The following OPCML variants were observed in gnomAD, a reference collection of about 807,000 sequenced individuals.
OPCML encodes opioid binding protein/cell adhesion molecule like.
Under a neutral mutation model 37.8 loss-of-function variants are expected in OPCML, and 13 were observed. That is an observed-to-expected ratio of 0.34 (90% CI 0.22 to 0.55). The LOEUF is 0.55. OPCML is among the 20% of genes least tolerant of loss of function. The pLI, the probability that OPCML is intolerant of heterozygous loss-of-function variation, is 0.91. For missense variants in OPCML, 341 were observed against 435.6 expected (o/e 0.78, Z 1.93); for synonymous variants, 176 against 168.8 (o/e 1.04, Z -0.33).
intron 2 of OPCML, among the ~76,000 whole-genome samples, chr11:132,942,642 A>C (rs1332545185): frequency 1.3e-5 from 2 of 152,184 alleles, no homozygotes; most frequent in Non-Finnish European, 2.9e-5. Flanking sequence ...ACGGTGCCCA[A>C]GCAGGAGAGA....
At chr11:133,089,543 C>A (rs1425579339) in intron 1 of OPCML, among the ~76,000 whole-genome samples, 1 of 152,144 alleles carries the variant, frequency 6.6e-6, no homozygotes, top group Non-Finnish European at 1.5e-5. Flanking sequence ...AAAGGCAAAA[C>A]AAAAGGCTTC....
intron 1 of OPCML, among the ~76,000 whole-genome samples, chr11:133,133,759 C>T (rs1476466258): frequency 6.6e-6 from 1 of 152,144 alleles, no homozygotes; most frequent in Non-Finnish European, 1.5e-5. Context: ...CCTTGCCAGC[C>T]CCTTTCCCAT....
intron 4 of OPCML, among the ~76,000 whole-genome samples, chr11:132,494,699 T>C (rs146498587): frequency 1.6e-3 from 238 of 152,310 alleles, no homozygotes; most frequent in African/African-American, 5.7e-3. Flanking sequence ...GACATGGCCA[T>C]TCTGTAAGAG....
chr11:133,131,918 T>C (rs1949610257), intron 1 of OPCML, among the ~76,000 whole-genome samples: 1 of 152,168 alleles, frequency 6.6e-6, no homozygotes, highest in Admixed American at 6.5e-5. Flanking sequence ...ATATGCAAAA[T>C]AATGGACTTC....
chr11:132,465,195 C>G (rs2096115907), intron 4 of OPCML, among the ~76,000 whole-genome samples: 1 of 152,012 alleles, frequency 6.6e-6, no homozygotes, highest in African/African-American at 2.4e-5. Context: ...CATGATCGTC[C>G]TTCTACACAC....
At chr11:133,055,112 T>C (rs1948205473) in intron 1 of OPCML, among the ~76,000 whole-genome samples, 1 of 149,702 alleles carries the variant, frequency 6.7e-6, no homozygotes, top group Non-Finnish European at 1.5e-5. Flanking sequence ...TACCGTACAA[T>C]GCTGCCTCCA....
intron 1 of OPCML, among the ~76,000 whole-genome samples, chr11:132,972,513 CT>C (rs1286276848): frequency 1.3e-5 from 2 of 152,206 alleles, no homozygotes; most frequent in Non-Finnish European, 2.9e-5. Context: ...TATTCATTTT[CT>C]GGTGCTGCAT....
chr11:132,758,320 G>GT (rs1210700740), intron 2 of OPCML, among the ~76,000 whole-genome samples: 1 of 152,128 alleles, frequency 6.6e-6, no homozygotes, highest in African/African-American at 2.4e-5. Flanking sequence ...ATTTAAAGTA[G>GT]TTTTTTCTAA....
chr11:133,382,122 A>T (rs961858648), intron 1 of OPCML, among the ~76,000 whole-genome samples: 1 of 152,182 alleles, frequency 6.6e-6, no homozygotes. Flanking sequence ...GGAGGGATGG[A>T]AGGTGGTGTT....
chr11:133,152,688 C>G (rs925078385), intron 1 of OPCML, among the ~76,000 whole-genome samples: 1 of 152,090 alleles, frequency 6.6e-6, no homozygotes, highest in Non-Finnish European at 1.5e-5. Flanking sequence ...TAATTTCTCT[C>G]TAATTGATGC....
At chr11:132,859,172 T>G (rs947904738) in intron 2 of OPCML, 3 of 152,184 alleles carry the variant, frequency 2.0e-5, no homozygotes, top group African/African-American at 7.2e-5. Flanking sequence ...TGATGATAAA[T>G]GAAAGCACAT....
At chr11:132,476,638 A>G (rs2096157017) in intron 4 of OPCML, among the ~76,000 whole-genome samples, 2 of 152,116 alleles carry the variant, frequency 1.3e-5, no homozygotes, top group Admixed American at 1.3e-4. Flanking sequence ...GGAATTGAAC[A>G]ATGAGAACTC....
intron 3 of OPCML, among the ~76,000 whole-genome samples, chr11:132,608,918 A>T (rs775100811): frequency 1.2e-4 from 18 of 151,864 alleles, no homozygotes; most frequent in Non-Finnish European, 2.5e-4. Flanking sequence ...TATATCTGAG[A>T]TATTTTTCTT....
chr11:132,541,801 G>T (rs2137373221), intron 3 of OPCML, among the ~76,000 whole-genome samples: 1 of 152,292 alleles, frequency 6.6e-6, no homozygotes, highest in Non-Finnish European at 1.5e-5. Flanking sequence ...AGCTTGAGGT[G>T]ATCCAATGTG....
At position 133,496,498 on chromosome 11, in the gene OPCML, C is replaced by T. The variant is rs543873068; in HGVS notation, c.61+35766G>A. 9.2e-5 allele frequency among the ~76,000 whole-genome samples: 14 copies of T among 152,234 alleles called. No individual in the cohort carries two copies. The South Asian group carries it at 2.9e-3, about 32-fold the overall frequency. On this transcript the variant is annotated intron_variant, in intron 1 of 7. Coordinates refer to ENST00000524381, the MANE Select transcript of OPCML (RefSeq NM_001012393.5). ...TGTAGATTGCTTTTGACAGTATGGT[C>T]ATTTTCACAATGTTGGTTCTACCCA... is the stretch of plus-strand genomic sequence containing the variant.
intron 1 of OPCML, among the ~76,000 whole-genome samples, chr11:133,264,889 C>T (rs550953754): frequency 4.6e-5 from 7 of 152,134 alleles, no homozygotes; most frequent in South Asian, 2.1e-4. Context: ...ATTTGCTGCA[C>T]GGAATAGTTA....
chr11:133,194,422 C>T (rs565852321), intron 1 of OPCML, among the ~76,000 whole-genome samples: 2 of 152,208 alleles, frequency 1.3e-5, no homozygotes, highest in Admixed American at 1.3e-4. Flanking sequence ...GTTGGTCTGA[C>T]TGGTCTCGAA....
At chr11:132,596,559 C>A (rs1159600255) in intron 3 of OPCML, among the ~76,000 whole-genome samples, 1 of 152,134 alleles carries the variant, frequency 6.6e-6, no homozygotes, top group African/African-American at 2.4e-5. Flanking sequence ...GAGCAAAAAC[C>A]TCTAAGGACC....
chr11:132,816,864 A>T (rs1337638754), intron 2 of OPCML, among the ~76,000 whole-genome samples: 1 of 152,214 alleles, frequency 6.6e-6, no homozygotes, highest in Admixed American at 6.5e-5. Context: ...ATAAACAAGA[A>T]GAGCTTCAGT....
Sources: gnomAD v4.1 joint callset for allele counts (sites outside exome capture counted in the v4.1 genomes callset) on GRCh38, gnomAD v4.1.1 for gene constraint, MANE v1.5 for transcripts, NCBI Gene and HGNC (gene_info 2026-07-23, HGNC 2026-07-21) for gene names.